The following SMG9 variants were observed in gnomAD, a reference collection of about 807,000 sequenced individuals.
SMG9 encodes nonsense-mediated mRNA decay factor SMG9.
SMG9 carries 55 observed loss-of-function variants against 64.0 expected under a neutral mutation model. The ratio of observed to expected loss-of-function variants is 0.86; its 90% CI spans 0.69 to 1.08. The LOEUF (loss-of-function observed/expected upper bound fraction) is 1.08, where lower values mean the gene tolerates loss of function less well. SMG9 is among the 50% of genes least tolerant of loss of function. SMG9 has a pLI of 0.00. For synonymous variants in SMG9, 244 were observed against 254.8 expected, an observed-to-expected ratio of 0.96 and a Z score of 0.41; for missense variants, 554 against 681.3, an observed-to-expected ratio of 0.81 and a Z score of 2.08.
chr19:43,742,349 G>A (rs1968870655), intron 6 of SMG9, among the ~76,000 whole-genome samples: 1 of 151,994 alleles, frequency 6.6e-6, no homozygotes, highest in African/African-American at 2.4e-5. Context: ...AAGGTGGGAG[G>A]ATGGCTTGGG....
Position 43,729,176 on chromosome 19 carries a change from G to C in SMG9, c.*2420C>G, listed in dbSNP as rs1968393480. 2.0e-5 allele frequency: 6 copies of C among 294,440 alleles called. No individual in the cohort carries two copies. The South Asian group carries it at 7.9e-4, about 39-fold the overall frequency. 18.2% of individuals were successfully genotyped at this position (294,440 alleles called of 1,614,324 possible). A position where few individuals can be genotyped will look rare whatever the true frequency, so the allele number is the denominator to read the frequency against. ...CCCCTGCACAAAACCCTGGAGGTGG[G>C]ACAGGGCCTTTGGACCAAGGTCACC... On this transcript the variant is annotated 3_prime_UTR_variant, in exon 14 of 14. Coordinates refer to ENST00000270066, the MANE Select transcript of SMG9 (RefSeq NM_019108.4).
chr19:43,754,638 C>G lies in SMG9; in HGVS notation c.-7+16G>C, dbSNP rs1001771742. 4 of 151,838 alleles carry G rather than the reference C, an allele frequency of 2.6e-5. No individual in the cohort carries two copies. The highest frequency in any genetic ancestry group is 5.9e-5 in the Non-Finnish European group (4 of 67,902). The allele number at this position is 151,838 out of a possible 1,614,324, so 9.4% of individuals were successfully genotyped here. Reference sequence around the variant, plus strand: ...CGCCGGTGCGCTAGCCTCGCGCGGGCTCGCGGCCCCCTTACCTAACGCGGC... The same window carrying G: ...CGCCGGTGCGCTAGCCTCGCGCGGGGTCGCGGCCCCCTTACCTAACGCGGC... On this transcript the variant is annotated intron_variant, in intron 1 of 13. Coordinates refer to ENST00000270066, the MANE Select transcript of SMG9 (RefSeq NM_019108.4).
Position 43,734,428 on chromosome 19 carries a change from A to C in SMG9, c.1063T>G (p.Ser355Ala). The change falls in exon 10 of 14, where the codon TCG becomes GCG. Residue 355 changes from serine (S) to alanine (A), a missense_variant. Transcript: ENST00000270066. ...TACTCGGTGCCTTCATCGGAGCCCG[A>C]TGAGCTGCTGGACTCGTGGCTGGGG... ...PSPSHESSSS[S>A]GSDEGTEYYP... is the part of the protein sequence containing the mutation. 1 of 1,561,938 alleles carries C rather than the reference A, an allele frequency of 6.4e-7. No individual in the cohort carries two copies. The highest frequency in any genetic ancestry group is 1.2e-5 in the South Asian group (1 of 84,782).
intron 8 of SMG9, 173 bp downstream of exon 8, chr19:43,737,949 G>C: frequency 2.9e-6 from 2 of 693,426 alleles, no homozygotes; most frequent in Non-Finnish European, 2.5e-6. Flanking sequence ...GCAGAGCCAG[G>C]AGTTGAGCCA....
chr19:43,732,554 CCA>C (rs1033375111), intron 13 of SMG9: 1 of 383,786 alleles, frequency 2.6e-6, no homozygotes, highest in South Asian at 2.5e-5. Context: ...TGACTCCTAG[CCA>C]CAGATGTGTG....
intron 10 of SMG9, 158 bp from the exon 11 acceptor site, chr19:43,733,891 G>A: frequency 1.6e-6 from 1 of 618,626 alleles, no homozygotes; most frequent in Non-Finnish European, 2.9e-6. Context: ...TCTGTGTAGG[G>A]CAATGCTGGG....
intron 5 of SMG9, among the ~76,000 whole-genome samples, chr19:43,746,122 G>A (rs562989480): frequency 4.0e-4 from 61 of 152,210 alleles, no homozygotes; most frequent in Non-Finnish European, 6.9e-4. Flanking sequence ...GCAGTGAGCC[G>A]AGATGGTGCC....
rs1296951801 is a variant in SMG9 at position 43,738,141 on chromosome 19, TG to T, written c.889del (p.His297ThrfsTer22). On this transcript the variant is annotated frameshift_variant, in exon 8 of 14. Transcript: ENST00000270066. LOFTEE classifies it high-confidence loss of function. ...CCTCACCTGCATTTCAACGTAAGTG[TG>T]GGGAAGGTTGTACTCTGGAGGCAGT... ...RKLPPEYNLP[H>X]TYVEMQSLQI... 1 of 1,613,848 alleles carries T rather than the reference TG, an allele frequency of 6.2e-7. No homozygotes were observed. Among genetic ancestry groups the T allele is most frequent in the Non-Finnish European group, 8.5e-7 (1 of 1,179,960 alleles).
rs374528302 is a variant in SMG9, at chr19:43,750,693, G to A, written c.49C>T (p.Arg17Trp). The part of the protein sequence containing the change: ...SQPGLYGIER[R>W]RRWKEPGSGG... ...GAGCCAGGCTCCTTCCACCGTCGCC[G>A]CCGCTCTATCCCATAGAGTCCAGGC... The change falls in exon 2 of 14, where the codon CGG (arginine) becomes TGG (tryptophan). Residue 17 changes from arginine to tryptophan, a missense_variant. By Grantham distance (101) the Arg-to-Trp change is moderately radical (BLOSUM62 -3). Transcript: ENST00000270066. The A allele has an allele frequency of 5.0e-6, 8 of 1,613,742 alleles. No homozygotes were observed. The African/African-American group carries it at 5.3e-5, about 11-fold the overall frequency.
At chr19:43,745,914 T>C (rs112175985) in intron 5 of SMG9, among the ~76,000 whole-genome samples, 153 of 152,164 alleles carry the variant, frequency 1.0e-3, no homozygotes, top group African/African-American at 3.5e-3. Flanking sequence ...GGCAGGAGAA[T>C]TGCTTGAACC....
At chr19:43,733,105 G>A (rs1042812192) in intron 12 of SMG9, 103 bp from the exon 13 acceptor site, 32 of 1,419,552 alleles carry the variant, frequency 2.3e-5, no homozygotes, top group African/African-American at 1.6e-4. Flanking sequence ...GTTCAGCCCC[G>A]GCTGAGCTCT....
In SMG9 at chr19:43,731,519, G is replaced by A. The variant is rs1450370302; in HGVS notation, c.*77C>T. 6.3e-7 allele frequency: 1 copy of A among 1,595,430 alleles called. No individual in the cohort carries two copies. Among genetic ancestry groups the A allele is most frequent in the Non-Finnish European group, 8.6e-7 (1 of 1,168,112 alleles). On this transcript the variant is annotated 3_prime_UTR_variant, in exon 14 of 14. Transcript: ENST00000270066. ...CCTGCTGCCGCTCTCCACCCCAGCG[G>A]GGGATGGACATCTGTGCTCCCTCGC...
intron 12 of SMG9, 155 bp downstream of exon 12, chr19:43,733,169 C>A: frequency 7.4e-7 from 1 of 1,342,330 alleles, no homozygotes; most frequent in Non-Finnish European, 1.0e-6. Context: ...CCACACACCC[C>A]AGGAACAAAC....
chr19:43,751,791 A>C (rs572155059), intron 1 of SMG9, among the ~76,000 whole-genome samples: 1 of 152,204 alleles, frequency 6.6e-6, no homozygotes, highest in Non-Finnish European at 1.5e-5. Flanking sequence ...AGGTACAATA[A>C]AACAAGACAC....
At chr19:43,733,178 A>C in intron 12 of SMG9, 146 bp downstream of exon 12, 1 of 1,362,928 alleles carries the variant, frequency 7.3e-7, no homozygotes, top group Non-Finnish European at 1.0e-6. Context: ...CCAGGAACAA[A>C]CCAGGATCTT....
At chr19:43,736,881 T>C (rs1968687025) in intron 9 of SMG9, among the ~76,000 whole-genome samples, 1 of 151,196 alleles carries the variant, frequency 6.6e-6, no homozygotes, top group South Asian at 2.1e-4. Context: ...AGGGCGAGAG[T>C]CTGAGGAGAT....
At chr19:43,749,583 G>A (rs1969131121) in intron 2 of SMG9, among the ~76,000 whole-genome samples, 1 of 152,218 alleles carries the variant, frequency 6.6e-6, no homozygotes, top group Admixed American at 6.5e-5. Context: ...CCAGCTCACT[G>A]TGAAAAAACT....
intron 5 of SMG9, among the ~76,000 whole-genome samples, chr19:43,745,941 C>T (rs1968987136): frequency 1.3e-5 from 2 of 151,888 alleles, no homozygotes; most frequent in South Asian, 2.1e-4. Flanking sequence ...GCGGGGGTTG[C>T]GGTGAGCCGA....
At chr19:43,746,869 T>C (rs1478009266) in intron 5 of SMG9, among the ~76,000 whole-genome samples, 1 of 151,496 alleles carries the variant, frequency 6.6e-6, no homozygotes, top group Non-Finnish European at 1.5e-5. Flanking sequence ...TTGTTGAGGT[T>C]GGAGTGCAAT....
Sources: allele counts gnomAD v4.1 joint callset (sites outside exome capture counted in the v4.1 genomes callset), GRCh38; gene constraint gnomAD v4.1.1; transcripts MANE v1.5; gene names NCBI Gene and HGNC (gene_info 2026-07-23, HGNC 2026-07-21).